The following VPS45 variants were observed in gnomAD, a reference collection of about 807,000 sequenced individuals.
VPS45 encodes the protein vacuolar protein sorting 45 homolog.
A neutral mutation model predicts 75.9 loss-of-function variants in VPS45; 35 were observed. That is an observed-to-expected ratio of 0.46 (90% confidence interval 0.35 to 0.61). The LOEUF is 0.61. VPS45 is among the 20% of genes least tolerant of loss of function. VPS45 has a pLI of 0.00. For missense variants in VPS45, 559 were observed against 685.9 expected (o/e 0.81, Z 2.07); for synonymous variants, 220 against 238.2 (o/e 0.92, Z 0.70).
intron 13 of VPS45, among the ~76,000 whole-genome samples, chr1:150,099,885 T>A (rs1571862231): frequency 7.0e-6 from 1 of 143,242 alleles, no homozygotes; most frequent in Non-Finnish European, 1.5e-5. Flanking sequence ...GCCAACATCA[T>A]ACTGAATGGG....
Position 150,124,716 on chromosome 1 carries a change from A to ATTTTT in VPS45, c.1625+14099_1625+14103dup, listed in dbSNP as rs58720904. On this transcript the variant is annotated intron_variant, in intron 14 of 14. Transcript: ENST00000644510. ...AAGCCTGCAGCATCACACCTGGCTAATTTTTTTTTTTTTTGTATTTTTAGT... is the reference window on the plus strand; with the variant it reads ...AAGCCTGCAGCATCACACCTGGCTAATTTTTTTTTTTTTTTTTTTGTATTTTTAGT... 2.3e-3 allele frequency among the ~76,000 whole-genome samples: 320 copies of ATTTTT among 138,618 alleles called. 3 individuals are homozygous for ATTTTT. Among genetic ancestry groups the ATTTTT allele is most frequent in the African/African-American group, 8.3e-3 (309 of 37,204 alleles). 90.9% of individuals were successfully genotyped at this position (138,618 alleles called of 152,430 possible).
chr1:150,089,581 C>T (rs1445148876), intron 10 of VPS45, among the ~76,000 whole-genome samples: 2 of 152,032 alleles, frequency 1.3e-5, no homozygotes, highest in Non-Finnish European at 2.9e-5. Flanking sequence ...AGGCTGGTCT[C>T]GAACTCCTGA....
chr1:150,111,145 G>T (rs1248081248), intron 14 of VPS45, among the ~76,000 whole-genome samples: 1 of 152,086 alleles, frequency 6.6e-6, no homozygotes, highest in East Asian at 1.9e-4. Context: ...TATTAGGAAA[G>T]AACATTTAAA....
rs1553796373 is a variant in VPS45, at chr1:150,068,740, A to G, written c.204A>G (p.Ala68=). 1 of 1,611,724 alleles carries G rather than the reference A, an allele frequency of 6.2e-7. No homozygotes were observed. The highest frequency in any genetic ancestry group is 8.5e-7 in the Non-Finnish European group (1 of 1,178,812). The stretch of plus-strand genomic sequence containing the variant: ...GAGAGATCATGAAACACCTGAAGGC[A>G]ATTTGTTTTCTTCGACCTACAAAGG... ...QNREIMKHLK[A]ICFLRPTKEN... The change falls in exon 2 of 15, where the codon GCA becomes GCG. Residue 68 remains alanine (A), a synonymous_variant. Transcript: ENST00000644510.
At chr1:150,067,570 T>C, upstream of VPS45, 1 of 413,982 alleles carries the variant, frequency 2.4e-6, no homozygotes, top group South Asian at 4.9e-5. Flanking sequence ...GCAATAGGGG[T>C]CTGAGAGTCC....
At chr1:150,098,194 C>T (rs1334480653) in intron 13 of VPS45, among the ~76,000 whole-genome samples, 4 of 152,172 alleles carry the variant, frequency 2.6e-5, no homozygotes. Context: ...TGTTAATAGT[C>T]GTTACCTCTG....
At chr1:150,097,462 A>C (rs1052725110) in intron 13 of VPS45, among the ~76,000 whole-genome samples, 1 of 151,458 alleles carries the variant, frequency 6.6e-6, no homozygotes, top group Non-Finnish European at 1.5e-5. Context: ...GTTTATGCCT[A>C]TAATCCCAGC....
chr1:150,077,611 T>C (rs782254118), intron 6 of VPS45, 58 bp from the exon 7 acceptor site: 1 of 1,179,750 alleles, frequency 8.5e-7, no homozygotes, highest in South Asian at 1.2e-5. Context: ...TTCCTATTTA[T>C]ATCATTTCTA....
At position 150,067,794 on chromosome 1, in the gene VPS45, T is replaced by G; in HGVS notation, c.-64T>G. The G allele has an allele frequency of 3.9e-6, 6 of 1,538,216 alleles. No individual in the cohort carries two copies. The highest frequency in any genetic ancestry group is 4.5e-5 in the East Asian group (2 of 44,408). ...AGCAGCTGAGACCCGGCCAACAGAC[T>G]GGGGGTTAATTTAGCCAGAAAAGGG... On this transcript the variant is annotated 5_prime_UTR_variant, in exon 1 of 15. Coordinates refer to ENST00000644510, the MANE Select transcript of VPS45 (RefSeq NM_007259.5).
At chr1:150,132,133 A>C (rs1658869844) in intron 14 of VPS45, among the ~76,000 whole-genome samples, 2 of 152,168 alleles carry the variant, frequency 1.3e-5, no homozygotes. Flanking sequence ...GCCATATAAT[A>C]ATCATTTTTC....
chr1:150,091,704 T>G (rs2101565067), intron 10 of VPS45, among the ~76,000 whole-genome samples: 1 of 152,368 alleles, frequency 6.6e-6, no homozygotes, highest in Non-Finnish European at 1.5e-5. Flanking sequence ...TATCCATTAT[T>G]AAATTCATTT....
chr1:150,081,689 T>C (rs1655721076), intron 8 of VPS45, among the ~76,000 whole-genome samples, 195 bp from the exon 9 acceptor site: 1 of 152,160 alleles, frequency 6.6e-6, no homozygotes, highest in African/African-American at 2.4e-5. Flanking sequence ...TATTTACTTC[T>C]CTCCCCTCCA....
At chr1:150,098,889 A>G (rs2101582186) in intron 13 of VPS45, 6 of 1,270,518 alleles carry the variant, frequency 4.7e-6, no homozygotes, top group Non-Finnish European at 6.1e-6. Context: ...CAACTTTTTC[A>G]TTTGGTGAGG....
At chr1:150,094,252 C>G (rs898327498) in intron 13 of VPS45, among the ~76,000 whole-genome samples, 4 of 111,900 alleles carry the variant, frequency 3.6e-5, no homozygotes, top group African/African-American at 7.0e-5. Flanking sequence ...TAAATTCTAC[C>G]TAGTTAAAAA....
At chr1:150,073,586 G>A (rs1198556992) in intron 3 of VPS45, among the ~76,000 whole-genome samples, 1 of 151,642 alleles carries the variant, frequency 6.6e-6, no homozygotes, top group Non-Finnish European at 1.5e-5. Context: ...ATAGTCACAG[G>A]TTTTCTTTTT....
chr1:150,144,489 A>AG (rs1659568491), intron 14 of VPS45, among the ~76,000 whole-genome samples: 1 of 151,626 alleles, frequency 6.6e-6, no homozygotes, highest in Non-Finnish European at 1.5e-5. Context: ...ATTCTAAAAA[A>AG]AAAATGAAGA....
At position 150,128,885 on chromosome 1, in the gene VPS45, G is replaced by A. The variant is rs143423373; in HGVS notation, c.1626-15824G>A. Among the ~76,000 whole-genome samples, 345 of 152,244 alleles carry A rather than the reference G, an allele frequency of 2.3e-3. 2 individuals are homozygous for A. Among genetic ancestry groups the A allele is most frequent in the Non-Finnish European group, 3.6e-3 (246 of 68,032 alleles). ...GTCCCAAGTAGCTAGGACTACAAGTGCGTGCCACCACGCCTGGCTAATTAT... is the reference window on the plus strand; with the variant it reads ...GTCCCAAGTAGCTAGGACTACAAGTACGTGCCACCACGCCTGGCTAATTAT... On this transcript the variant is annotated intron_variant, in intron 14 of 14. Transcript: ENST00000644510.
intron 13 of VPS45, among the ~76,000 whole-genome samples, chr1:150,098,494 A>G (rs188789727): frequency 2.4e-4 from 36 of 152,322 alleles, no homozygotes; most frequent in African/African-American, 7.5e-4. Context: ...CCTTTAAAAC[A>G]TTCTGGCTCT....
At chr1:150,130,996 C>T (rs1658802798) in intron 14 of VPS45, among the ~76,000 whole-genome samples, 1 of 152,082 alleles carries the variant, frequency 6.6e-6, no homozygotes, top group Non-Finnish European at 1.5e-5. Context: ...AAATACAGAG[C>T]TGGAACTCAA....
Sources: gnomAD v4.1 joint callset for allele counts (sites outside exome capture counted in the v4.1 genomes callset) on GRCh38, gnomAD v4.1.1 for gene constraint, MANE v1.5 for transcripts, NCBI Gene and HGNC (gene_info 2026-07-23, HGNC 2026-07-21) for gene names.